The following ARMC9 variants were observed in gnomAD, a reference collection of about 807,000 sequenced individuals.
ARMC9 encodes armadillo repeat containing 9.
In ARMC9, 94 loss-of-function variants were observed where a neutral mutation model predicts 107.0. That is an observed-to-expected ratio of 0.88 (90% CI 0.74 to 1.04). ARMC9 has a LOEUF of 1.04. ARMC9 is among the 50% of genes least tolerant of loss of function. ARMC9 has a pLI of 0.00. For synonymous variants in ARMC9, 380 were observed against 396.9 expected, an observed-to-expected ratio of 0.96 and a Z score of 0.51; for missense variants, 942 against 1,030.1, an observed-to-expected ratio of 0.91 and a Z score of 1.17.
chr2:231,255,256 G>A lies in ARMC9; in HGVS notation c.880-1330G>A, dbSNP rs1574819493. ...GGACAAGAATCTCCGTAAAGTAGGT[G>A]ATGATTTTGCCTATGGACAGGATCA... is the stretch of plus-strand genomic sequence containing the variant. On this transcript the variant is annotated intron_variant, in intron 9 of 24. Transcript: ENST00000611582. This position sits in a 1 kb window ranked among gnomAD's most constrained non-coding sequence, Gnocchi z 4.7. Among the ~76,000 whole-genome samples the A allele has an allele frequency of 6.6e-6, 1 of 151,772 alleles. No homozygotes were observed. Among genetic ancestry groups the A allele is most frequent in the East Asian group, 1.9e-4 (1 of 5,186 alleles).
At chr2:231,308,235 CTTCCCTGGCT>C (rs2042140237) in intron 19 of ARMC9, among the ~76,000 whole-genome samples, 2 of 152,248 alleles carry the variant, frequency 1.3e-5, no homozygotes, top group African/African-American at 2.4e-5. Context: ...GGGCCAAGAG[CTTCCCTGGCT>C]TTCTCCCGTG....
chr2:231,324,188 T>A (rs762460864), intron 19 of ARMC9, among the ~76,000 whole-genome samples: 39 of 126,866 alleles, frequency 3.1e-4, no homozygotes, highest in Non-Finnish European at 5.6e-4. Context: ...AGTGCAGTGG[T>A]GCAATCTCGG....
intron 12 of ARMC9, among the ~76,000 whole-genome samples, chr2:231,263,328 A>G (rs2038554742): frequency 6.6e-6 from 1 of 152,238 alleles, no homozygotes; most frequent in Non-Finnish European, 1.5e-5. Context: ...TAAACAATCC[A>G]AGGGTATTGT....
rs751340923 is a variant in ARMC9, at chr2:231,346,499, C to T, written c.1994+1409C>T. Among the ~76,000 whole-genome samples, 94 of 152,146 alleles carry T rather than the reference C, an allele frequency of 6.2e-4. 1 individual carries two copies. Among genetic ancestry groups the T allele is most frequent in the African/African-American group, 1.6e-3 (67 of 41,526 alleles). ...TCTCGCCACTAGCACTCAGCCTGGGCGATAGAGTGACACTCTATCTCAAAA... is the reference window on the plus strand; with the variant it reads ...TCTCGCCACTAGCACTCAGCCTGGGTGATAGAGTGACACTCTATCTCAAAA... On this transcript the variant is annotated intron_variant, in intron 21 of 24. Transcript: ENST00000611582.
rs550113274 is a variant in ARMC9 at position 231,250,579 on chromosome 2, G to A, written c.880-6007G>A. 5.9e-4 allele frequency among the ~76,000 whole-genome samples: 90 copies of A among 152,256 alleles called. 1 individual carries two copies. Among genetic ancestry groups the A allele is most frequent in the African/African-American group, 2.0e-3 (84 of 41,548 alleles). Reference sequence around the variant, plus strand: ...CATGCTCCCAGAGGGGAGGGTAGACGGTGATGCTGGAAATGGTCCCTGAGA... The same window carrying A: ...CATGCTCCCAGAGGGGAGGGTAGACAGTGATGCTGGAAATGGTCCCTGAGA... On this transcript the variant is annotated intron_variant, in intron 9 of 24. Transcript: ENST00000611582.
At chr2:231,256,429 GC>G in intron 9 of ARMC9, 156 bp from the exon 10 acceptor site, 2 of 1,148,692 alleles carry the variant, frequency 1.7e-6, no homozygotes, top group South Asian at 1.4e-5. Context: ...TTTAAATAAA[GC>G]GTTTGTGTTT....
chr2:231,208,307 G>T, intron 3 of ARMC9, 55 bp downstream of exon 3: 1 of 1,406,368 alleles, frequency 7.1e-7, no homozygotes, highest in Non-Finnish European at 9.9e-7. Flanking sequence ...CTCCCAACTT[G>T]TGGAAAATGC....
intron 8 of ARMC9, among the ~76,000 whole-genome samples, chr2:231,239,024 A>G (rs1329355144): frequency 6.6e-6 from 1 of 152,158 alleles, no homozygotes; most frequent in African/African-American, 2.4e-5. Context: ...CTACTGCCAT[A>G]TGGAAGTTCC....
At chr2:231,301,786 C>T (rs1352786196) in intron 19 of ARMC9, among the ~76,000 whole-genome samples, 2 of 152,134 alleles carry the variant, frequency 1.3e-5, no homozygotes, top group Admixed American at 1.3e-4. Context: ...CAAGACCACC[C>T]TGGCCAACAT....
At chr2:231,209,431 C>T (rs1490038802) in intron 3 of ARMC9, among the ~76,000 whole-genome samples, 1 of 152,206 alleles carries the variant, frequency 6.6e-6, no homozygotes, top group Non-Finnish European at 1.5e-5. Flanking sequence ...GTCTAAATCT[C>T]ATTTGTAATA....
chr2:231,338,139 A>G (rs922420817), intron 20 of ARMC9, among the ~76,000 whole-genome samples: 30 of 152,298 alleles, frequency 2.0e-4, no homozygotes, highest in Non-Finnish European at 3.8e-4. Context: ...GGCGTCCTCT[A>G]AAATAATGGA....
intron 2 of ARMC9, among the ~76,000 whole-genome samples, 196 bp downstream of exon 2, chr2:231,206,485 C>T (rs1574838258): frequency 6.6e-6 from 1 of 152,216 alleles, no homozygotes; most frequent in African/African-American, 2.4e-5. Flanking sequence ...CTTAAAAAGT[C>T]CCTTGAAAGA....
At position 231,370,018 on chromosome 2, in the gene ARMC9, A is replaced by G. The variant is rs1381578142; in HGVS notation, c.2327A>G (p.Asn776Ser). 1 of 1,535,532 alleles carries G rather than the reference A, an allele frequency of 6.5e-7. No homozygotes were observed. Among genetic ancestry groups the G allele is most frequent in the Admixed American group, 2.0e-5 (1 of 50,948 alleles). Reference sequence around the variant, plus strand: ...TGCACTCCAGAGATGCTGGACTGGAACCCACCCAAGGCAAAGGCGTCAGTT... The same window carrying G: ...TGCACTCCAGAGATGCTGGACTGGAGCCCACCCAAGGCAAAGGCGTCAGTT... The part of the protein sequence containing the change: ...APCTPEMLDW[N>S]PPKAKASVLA... The change falls in exon 24 of 25, where the codon AAC (asparagine) becomes AGC (serine). Residue 776 changes from asparagine to serine, a missense_variant. Asn to Ser is a conservative substitution (Grantham distance 46). Coordinates refer to ENST00000611582, the MANE Select transcript of ARMC9 (RefSeq NM_001352754.2).
intron 7 of ARMC9, among the ~76,000 whole-genome samples, chr2:231,228,630 A>G (rs1266523108): frequency 6.6e-6 from 1 of 152,124 alleles, no homozygotes; most frequent in Non-Finnish European, 1.5e-5. Context: ...GTGAATTCCT[A>G]AGGCCCCCTC....
In ARMC9 at chr2:231,360,557, G is replaced by A. The variant is rs1203367556; in HGVS notation, c.2132-197G>A. ...CTGTGCCTGTCACCACCAGCAGTGT[G>A]CCTGCCATCCCCCGCTACCTGGCAA... On this transcript the variant is annotated intron_variant, in intron 22 of 24. Transcript: ENST00000611582. The surrounding 1 kb of genome is among the most constrained non-coding windows in gnomAD (Gnocchi z 4.7). 1.3e-5 allele frequency among the ~76,000 whole-genome samples: 2 copies of A among 152,156 alleles called. No homozygotes were observed. The highest frequency in any genetic ancestry group is 4.8e-5 in the African/African-American group (2 of 41,446).
At chr2:231,327,018 C>T (rs1448688711) in intron 19 of ARMC9, among the ~76,000 whole-genome samples, 1 of 152,192 alleles carries the variant, frequency 6.6e-6, no homozygotes. Flanking sequence ...TGGCTGCCAC[C>T]TTCCTCCAGG....
intron 9 of ARMC9, among the ~76,000 whole-genome samples, chr2:231,244,223 A>G (rs2036555013): frequency 6.6e-6 from 1 of 152,234 alleles, no homozygotes. Flanking sequence ...ACTGTTAAAA[A>G]TTCAAAAGGG....
At chr2:231,288,722 G>A in intron 17 of ARMC9, 1 of 471,212 alleles carries the variant, frequency 2.1e-6, no homozygotes, top group Admixed American at 2.3e-5. Flanking sequence ...AGGCTGAAAG[G>A]TGAAATCCTC....
chr2:231,243,283 C>T (rs1488864163), intron 9 of ARMC9, among the ~76,000 whole-genome samples: 4 of 150,272 alleles, frequency 2.7e-5, no homozygotes, highest in Admixed American at 2.7e-4. Flanking sequence ...CTTGGTGGTG[C>T]GTGGCTGTAG....
Sources: gnomAD v4.1 joint callset for allele counts (sites outside exome capture counted in the v4.1 genomes callset) on GRCh38, gnomAD v4.1.1 for gene constraint, Gnocchi (gnomAD v3.1) non-coding constraint, MANE v1.5 for transcripts, NCBI Gene and HGNC (gene_info 2026-07-23, HGNC 2026-07-21) for gene names.